Variants in CYB5A observed in about 807,000 individuals in gnomAD.
CYB5A encodes cytochrome b5.
In CYB5A, 10 loss-of-function variants were observed where a neutral mutation model predicts 16.2. That is an observed-to-expected ratio of 0.62 (90% CI 0.38 to 1.04). The LOEUF (loss-of-function observed/expected upper bound fraction) is 1.04. CYB5A is among the 50% of genes least tolerant of loss of function. CYB5A has a pLI of 0.01. For missense variants in CYB5A, 161 were observed against 165.9 expected (o/e 0.97, Z 0.16); for synonymous variants, 62 against 57.0 (o/e 1.09, Z -0.40).
At position 74,291,914 on chromosome 18, in the gene CYB5A, C is replaced by T. The variant is rs763457593; in HGVS notation, c.-39G>A. On this transcript the variant is annotated 5_prime_UTR_variant, in exon 1 of 5. Coordinates refer to ENST00000340533, the MANE Select transcript of CYB5A (RefSeq NM_148923.4). ...GAGCCAGGCCCAGCACACACAGCCC[C>T]GTCGGGTGGAGCAGAGCGCGCGACT... 6.2e-7 allele frequency: 1 copy of T among 1,606,834 alleles called. No homozygotes were observed. The highest frequency in any genetic ancestry group is 8.5e-7 in the Non-Finnish European group (1 of 1,179,754).
chr18:74,262,379 C>G (rs1982238129), intron 2 of CYB5A, among the ~76,000 whole-genome samples: 1 of 151,024 alleles, frequency 6.6e-6, no homozygotes, highest in Non-Finnish European at 1.5e-5. Flanking sequence ...TTGCTTGAAC[C>G]CAGGAGGTGG....
intron 3 of CYB5A, chr18:74,257,075 T>C (rs1430612404): frequency 1.7e-5 from 9 of 521,280 alleles, no homozygotes; most frequent in Non-Finnish European, 2.7e-5. Flanking sequence ...CAATCAGTTC[T>C]GAAACAAAAG....
intron 1 of CYB5A, among the ~76,000 whole-genome samples, chr18:74,285,347 A>C (rs1356698645): frequency 2.0e-5 from 3 of 152,222 alleles, no homozygotes; most frequent in Non-Finnish European, 2.9e-5. Context: ...GAGCCTTCAG[A>C]CAATGAAATT....
Position 74,285,982 on chromosome 18 carries a change from C to A in CYB5A, c.129+5765G>T, listed in dbSNP as rs990678868. On this transcript the variant is annotated intron_variant, in intron 1 of 4. Transcript: ENST00000340533. ...GAAAGAGGATTCCGTATATTAGGAT[C>A]CCTCTATACAATAAGGAGGCAGCCT... is the stretch of plus-strand genomic sequence containing the variant. Among the ~76,000 whole-genome samples the A allele has an allele frequency of 4.3e-4, 65 of 152,100 alleles. 1 individual carries two copies. The highest frequency in any genetic ancestry group is 4.3e-3 in the Admixed American group (65 of 15,274).
At chr18:74,282,986 A>C (rs1983177475) in intron 1 of CYB5A, among the ~76,000 whole-genome samples, 1 of 152,210 alleles carries the variant, frequency 6.6e-6, no homozygotes, top group African/African-American at 2.4e-5. Context: ...TTATTACTCA[A>C]GCTGAAAACT....
intron 1 of CYB5A, among the ~76,000 whole-genome samples, chr18:74,279,641 A>C (rs933614594): frequency 6.7e-6 from 1 of 149,420 alleles, no homozygotes; most frequent in Non-Finnish European, 1.5e-5. Context: ...GCATGTGCCC[A>C]TCTCTCTCTT....
chr18:74,291,796 C>G lies in CYB5A; in HGVS notation c.80G>C (p.Trp27Ser). The G allele has an allele frequency of 6.2e-7, 1 of 1,613,938 alleles. No homozygotes were observed. The highest frequency in any genetic ancestry group is 8.5e-7 in the Non-Finnish European group (1 of 1,179,832). The change falls in exon 1 of 5, where the codon TGG becomes TCG. Residue 27 changes from tryptophan (W) to serine (S), a missense_variant. Transcript: ENST00000340533. ...GTACACCTTGTGGTGCAGGATCAGC[C>G]AGGTGCTCTTGCTGTGGTTGTGCTT... ...IQKHNHSKST[W>S]LILHHKVYDL... is the part of the protein sequence containing the mutation.
rs531216033 is a variant in CYB5A, at chr18:74,257,345, G to A, written c.289-1570C>T. The A allele has an allele frequency of 3.1e-4, 52 of 167,046 alleles. No homozygotes were observed. The South Asian group carries it at 3.2e-3, about 10-fold the overall frequency. 10.3% of individuals were successfully genotyped at this position (167,046 alleles called of 1,614,324 possible). On this transcript the variant is annotated intron_variant, in intron 3 of 4. Coordinates refer to ENST00000340533, the MANE Select transcript of CYB5A (RefSeq NM_148923.4). ...CTAAAGAGGGGAACTTGAAATAATC[G>A]TATCACCTTTTGATTGTTGATTATC...
intron 2 of CYB5A, chr18:74,261,233 C>T (rs971085830): frequency 1.0e-5 from 4 of 387,336 alleles, no homozygotes; most frequent in Admixed American, 3.7e-5. Context: ...ACTCAGATTG[C>T]GACACGTAAT....
rs994838954 is a variant in CYB5A at position 74,279,062 on chromosome 18, C to T, written c.129+12685G>A. On this transcript the variant is annotated intron_variant, in intron 1 of 4. Coordinates refer to ENST00000340533, the MANE Select transcript of CYB5A (RefSeq NM_148923.4). ...AGCAGGAGGGCACTGTGGCACCAGT[C>T]CTGCCAGGCCCAGAGCTGCCACAGC... Among the ~76,000 whole-genome samples, 4 of 152,214 alleles carry T rather than the reference C, an allele frequency of 2.6e-5. No individual in the cohort carries two copies. In the South Asian group the frequency reaches 8.3e-4, roughly 32 times the overall value.
At chr18:74,284,996 G>A (rs1466641159) in intron 1 of CYB5A, among the ~76,000 whole-genome samples, 1 of 152,144 alleles carries the variant, frequency 6.6e-6, no homozygotes, top group South Asian at 2.1e-4. Flanking sequence ...TCAGTAAAAG[G>A]CACAGATACC....
At chr18:74,283,537 G>T (rs1983199191) in intron 1 of CYB5A, among the ~76,000 whole-genome samples, 1 of 152,172 alleles carries the variant, frequency 6.6e-6, no homozygotes, top group African/African-American at 2.4e-5. Flanking sequence ...ACAACAGATG[G>T]AAAGAAAGGC....
chr18:74,263,505 T>A (rs199655821), intron 1 of CYB5A, 28 bp from the exon 2 acceptor site: 351 of 1,568,958 alleles, frequency 2.2e-4, no homozygotes, highest in Non-Finnish European at 2.9e-4. Context: ...AGAATAAAAA[T>A]TTTTTTTTCA....
intron 3 of CYB5A, chr18:74,257,796 T>C (rs1568214167): frequency 1.3e-5 from 2 of 152,362 alleles, no homozygotes; most frequent in Non-Finnish European, 2.9e-5. Flanking sequence ...TGTGTGCCTA[T>C]GGTCCAGCTA....
Position 74,252,138 on chromosome 18 carries a change from T to A in CYB5A, c.*1446A>T, listed in dbSNP as rs1010337263. Reference sequence around the variant, plus strand: ...TAAAGAAGGCAAAGGCGGTGCATCCTATTTGATTATAAAGGTTGTACTCTG... The same window carrying A: ...TAAAGAAGGCAAAGGCGGTGCATCCAATTTGATTATAAAGGTTGTACTCTG... On this transcript the variant is annotated 3_prime_UTR_variant, in exon 5 of 5. Transcript: ENST00000340533. The A allele has an allele frequency of 6.6e-6, 1 of 152,262 alleles. No individual in the cohort carries two copies. Among genetic ancestry groups the A allele is most frequent in the East Asian group, 1.9e-4 (1 of 5,196 alleles). 9.4% of individuals were successfully genotyped at this position (152,262 alleles called of 1,614,324 possible). A position where few individuals can be genotyped will look rare whatever the true frequency, so the allele number is the denominator to read the frequency against.
At chr18:74,290,081 G>T (rs1490838932) in intron 1 of CYB5A, among the ~76,000 whole-genome samples, 1 of 152,124 alleles carries the variant, frequency 6.6e-6, no homozygotes, top group African/African-American at 2.4e-5. Context: ...GAGAATTGAT[G>T]TTATATGACA....
At chr18:74,288,482 T>A (rs1261363861) in intron 1 of CYB5A, among the ~76,000 whole-genome samples, 1 of 152,222 alleles carries the variant, frequency 6.6e-6, no homozygotes, top group Non-Finnish European at 1.5e-5. Flanking sequence ...GATAAAATAT[T>A]TGTTAGTTAA....
At chr18:74,289,454 A>ATC (rs1983444577) in intron 1 of CYB5A, among the ~76,000 whole-genome samples, 2 of 152,134 alleles carry the variant, frequency 1.3e-5, no homozygotes, top group South Asian at 4.1e-4. Context: ...CTCTGGCAAT[A>ATC]TCTGGAGACA....
At chr18:74,269,121 A>G (rs1982563838) in intron 1 of CYB5A, among the ~76,000 whole-genome samples, 1 of 152,136 alleles carries the variant, frequency 6.6e-6, no homozygotes, top group Admixed American at 6.5e-5. Context: ...CCTACCCAAT[A>G]CTAAGTGACT....
Sources: gnomAD v4.1 joint callset for allele counts (sites outside exome capture counted in the v4.1 genomes callset) on GRCh38, gnomAD v4.1.1 for gene constraint, MANE v1.5 for transcripts, NCBI Gene and HGNC (gene_info 2026-07-23, HGNC 2026-07-21) for gene names.